Variants in STOX2 observed in about 807,000 individuals in gnomAD.
STOX2 encodes the protein storkhead box 2, also known as storkhead-box protein 2.
STOX2 carries 28 observed loss-of-function variants against 60.9 expected under a neutral mutation model. The ratio of observed to expected loss-of-function variants is 0.46; its 90% CI spans 0.34 to 0.63. The LOEUF is 0.63. Ranked by LOEUF, STOX2 falls within the 30% of genes least tolerant of loss-of-function variation. The pLI, the probability that STOX2 is intolerant of heterozygous loss-of-function variation, is 0.01. For missense variants in STOX2, 1,024 were observed against 1,187.7 expected (o/e 0.86, Z 2.03); for synonymous variants, 472 against 463.9 (o/e 1.02, Z -0.22).
At chr4:183,994,795 G>A (rs1560927904) in intron 1 of STOX2, among the ~76,000 whole-genome samples, 1 of 152,146 alleles carries the variant, frequency 6.6e-6, no homozygotes, top group Non-Finnish European at 1.5e-5. Flanking sequence ...ACATTCTTAA[G>A]TGGGTTGTTT....
At chr4:183,977,152 A>T (rs1385526922) in intron 1 of STOX2, among the ~76,000 whole-genome samples, 1 of 152,136 alleles carries the variant, frequency 6.6e-6, no homozygotes, top group Non-Finnish European at 1.5e-5. Flanking sequence ...TGTACATTGT[A>T]CCCAATAGGC....
chr4:183,956,524 A>G (rs1457513622), intron 1 of STOX2, among the ~76,000 whole-genome samples: 1 of 152,056 alleles, frequency 6.6e-6, no homozygotes, highest in African/African-American at 2.4e-5. Flanking sequence ...AGTTGCAAGC[A>G]TCATGGCACT....
At chr4:183,848,563 A>G (rs991695696) in intron 1 of STOX2, among the ~76,000 whole-genome samples, 5 of 152,138 alleles carry the variant, frequency 3.3e-5, no homozygotes, top group African/African-American at 1.2e-4. Context: ...TGAAAGGAGC[A>G]GGGTTCTGTA....
chr4:183,898,723 G>A (rs1316741054), intron 1 of STOX2, among the ~76,000 whole-genome samples: 1 of 152,170 alleles, frequency 6.6e-6, no homozygotes, highest in East Asian at 1.9e-4. Context: ...AAAATGACAG[G>A]GAGGGAAGAG....
At chr4:183,955,701 A>G (rs1579464983) in intron 1 of STOX2, among the ~76,000 whole-genome samples, 1 of 151,600 alleles carries the variant, frequency 6.6e-6, no homozygotes, top group African/African-American at 2.4e-5. Flanking sequence ...GGGAATATTA[A>G]TTTTGGGAGT....
At chr4:183,835,897 G>A (rs1351446224) in intron 1 of STOX2, among the ~76,000 whole-genome samples, 1 of 152,182 alleles carries the variant, frequency 6.6e-6, no homozygotes, top group Non-Finnish European at 1.5e-5. Context: ...TGGAATTGCT[G>A]GGTCGTATGG....
chr4:183,989,238 T>TGTTGCCCAG (rs1732995483), intron 1 of STOX2, among the ~76,000 whole-genome samples: 1 of 150,928 alleles, frequency 6.6e-6, no homozygotes, highest in South Asian at 2.1e-4. Context: ...GTTTTGCTCT[T>TGTTGCCCAG]GTTGCCCAGG....
chr4:184,006,803 T>TCAG (rs907575250), intron 2 of STOX2, among the ~76,000 whole-genome samples: 12 of 148,916 alleles, frequency 8.1e-5, no homozygotes, highest in African/African-American at 3.0e-4. Context: ...GATCACGAGG[T>TCAG]CAGCAGATCG....
intron 1 of STOX2, among the ~76,000 whole-genome samples, chr4:183,944,531 T>A (rs902332803): frequency 5.9e-5 from 9 of 152,190 alleles, no homozygotes; most frequent in Admixed American, 3.9e-4. Flanking sequence ...CTGGCCAACA[T>A]GCTGAAACCC....
At chr4:183,841,160 C>T (rs906482761) in intron 1 of STOX2, among the ~76,000 whole-genome samples, 3 of 151,790 alleles carry the variant, frequency 2.0e-5, no homozygotes, top group Admixed American at 1.3e-4. Context: ...TCACCACGCC[C>T]GGTTCAGTTT....
chr4:183,800,015 G>A (rs1359919591), intron 1 of STOX2, among the ~76,000 whole-genome samples: 1 of 152,144 alleles, frequency 6.6e-6, no homozygotes, highest in Non-Finnish European at 1.5e-5. Flanking sequence ...AAAAGAGCAG[G>A]GGTGATACCT....
chr4:183,859,022 T>C (rs2111151408), intron 1 of STOX2, among the ~76,000 whole-genome samples: 1 of 152,264 alleles, frequency 6.6e-6, no homozygotes, highest in South Asian at 2.1e-4. Context: ...CGCCCCACAT[T>C]CCTCTTCTAT....
chr4:184,017,199 G>C lies in STOX2; in HGVS notation c.2696G>C (p.Arg899Pro). The C allele has an allele frequency of 6.2e-7, 1 of 1,612,710 alleles. No homozygotes were observed. Among genetic ancestry groups the C allele is most frequent in the Non-Finnish European group, 8.5e-7 (1 of 1,179,360 alleles). The change falls in exon 4 of 4, where the codon CGA becomes CCA. Residue 899 changes from arginine to proline, a missense_variant. Arg to Pro is a moderately radical substitution (Grantham distance 103). Transcript: ENST00000308497. The part of the protein sequence containing the change: ...HGGAGPAFNF[R>P]ASAEPPTNEA... ...GGAGCTGGTCCAGCCTTCAACTTCC[G>C]AGCGAGCGCGGAGCCCCCGACAAAT...
Position 183,808,547 on chromosome 4 carries a change from C to A in STOX2, c.364+10492C>A, listed in dbSNP as rs1244884453. Among the ~76,000 whole-genome samples, 5 of 152,172 alleles carry A rather than the reference C, an allele frequency of 3.3e-5. 1 individual carries two copies. Among genetic ancestry groups the A allele is most frequent in the African/African-American group, 1.2e-4 (5 of 41,418 alleles). ...AACAAAAAGTTTGTCCAAGGAAAGT[C>A]TTTAATCGTTAGTAGACTGTGAGGT... On this transcript the variant is annotated intron_variant, in intron 1 of 2. Transcript: ENST00000513034.
chr4:183,931,651 G>A (rs927757440), intron 1 of STOX2, among the ~76,000 whole-genome samples: 1 of 152,156 alleles, frequency 6.6e-6, no homozygotes, highest in Admixed American at 6.5e-5. Flanking sequence ...GTGGCGCAAG[G>A]TGAATGTGAG....
rs908708100 is a variant in STOX2, at chr4:183,907,116, C to T, written c.166+160C>T. Among the ~76,000 whole-genome samples, 4 of 152,126 alleles carry T rather than the reference C, an allele frequency of 2.6e-5. 1 individual carries two copies. The South Asian group carries it at 6.2e-4, about 24-fold the overall frequency. ...GCTCCCATCCACCATTTTGTACCTC[C>T]CAAGATCCACAGCAGGCCCTCTCAA... On this transcript the variant is annotated intron_variant, in intron 1 of 3. Transcript: ENST00000308497.
chr4:184,005,913 C>T (rs1733804541), intron 2 of STOX2, among the ~76,000 whole-genome samples: 1 of 152,096 alleles, frequency 6.6e-6, no homozygotes, highest in South Asian at 2.1e-4. Context: ...GATGGATATA[C>T]CTGGAAACCC....
chr4:183,898,801 G>A (rs1741398189), intron 1 of STOX2, among the ~76,000 whole-genome samples: 3 of 152,190 alleles, frequency 2.0e-5, no homozygotes, highest in South Asian at 4.1e-4. Flanking sequence ...CAAATTCAAC[G>A]TCCTGAGTGG....
intron 1 of STOX2, among the ~76,000 whole-genome samples, chr4:183,918,246 G>A (rs1277433311): frequency 6.6e-6 from 1 of 152,204 alleles, no homozygotes; most frequent in Non-Finnish European, 1.5e-5. Context: ...CTCTGCTAAG[G>A]AAATTCACAG....
Sources: gnomAD v4.1 joint callset for allele counts (sites outside exome capture counted in the v4.1 genomes callset) on GRCh38, gnomAD v4.1.1 for gene constraint, MANE v1.5 for transcripts, NCBI Gene and HGNC (gene_info 2026-07-23, HGNC 2026-07-21) for gene names.